Variants in NAV3 observed in about 807,000 individuals in gnomAD.
The protein encoded by NAV3 is pore membrane and/or filament interacting like protein 1.
A neutral mutation model predicts 244.7 loss-of-function variants in NAV3; 87 were observed. The ratio of observed to expected loss-of-function variants is 0.36; its 90% CI spans 0.30 to 0.42. The LOEUF is 0.42. Ranked by LOEUF, NAV3 falls within the 20% of genes least tolerant of loss-of-function variation. NAV3 has a pLI of 1.00. For synonymous variants in NAV3, 1,126 were observed against 1,042.2 expected (o/e 1.08, Z -1.55); for missense variants, 2,663 against 2,893.3 (o/e 0.92, Z 1.83).
At chr12:77,782,920 T>A (rs151289186) in intron 2 of NAV3, among the ~76,000 whole-genome samples, 12 of 152,282 alleles carry the variant, frequency 7.9e-5, no homozygotes, top group Non-Finnish European at 4.4e-5. Flanking sequence ...GAACATATGC[T>A]GATGCAATGT....
At chr12:78,104,251 A>C (rs1255717044) in intron 12 of NAV3, among the ~76,000 whole-genome samples, 1 of 152,240 alleles carries the variant, frequency 6.6e-6, no homozygotes, top group Non-Finnish European at 1.5e-5. Flanking sequence ...CAGTAACATG[A>C]AATATCAAAG....
At chr12:78,002,749 C>T (rs936701848) in intron 7 of NAV3, among the ~76,000 whole-genome samples, 1 of 151,818 alleles carries the variant, frequency 6.6e-6, no homozygotes, top group Non-Finnish European at 1.5e-5. Context: ...GCCTAAAATA[C>T]GTTGTTAATG....
chr12:77,612,136 A>G (rs1870944087), intron 2 of NAV3, among the ~76,000 whole-genome samples: 3 of 152,214 alleles, frequency 2.0e-5, no homozygotes, highest in Admixed American at 6.6e-5. Flanking sequence ...GAAAGTGTGA[A>G]CAGACTTTTT....
At chr12:77,974,370 C>T (rs559741402) in intron 5 of NAV3, among the ~76,000 whole-genome samples, 1 of 152,062 alleles carries the variant, frequency 6.6e-6, no homozygotes, top group African/African-American at 2.4e-5. Flanking sequence ...CAAACTCTGC[C>T]TCCCGAGTTC....
upstream of NAV3, among the ~76,000 whole-genome samples, chr12:77,829,976 C>T (rs924289039): frequency 6.6e-6 from 1 of 152,144 alleles, no homozygotes; most frequent in East Asian, 1.9e-4. Flanking sequence ...CCTTTGGTTG[C>T]ATTATTACTA....
chr12:77,683,858 G>GT (rs1565770556), intron 2 of NAV3, among the ~76,000 whole-genome samples: 1 of 151,722 alleles, frequency 6.6e-6, no homozygotes, highest in South Asian at 2.1e-4. Flanking sequence ...GGACATTTGA[G>GT]TTTTTTTCAG....
chr12:78,102,015 G>A (rs1483502684), intron 12 of NAV3, among the ~76,000 whole-genome samples: 1 of 152,128 alleles, frequency 6.6e-6, no homozygotes, highest in African/African-American at 2.4e-5. Context: ...TCTTTTAAAA[G>A]TGGTGCCTTG....
At chr12:78,175,551 C>T (rs1467752907) in intron 25 of NAV3, 124 bp downstream of exon 25, 1 of 1,226,554 alleles carries the variant, frequency 8.2e-7, no homozygotes, top group African/African-American at 1.5e-5. Context: ...ACTGAGACCT[C>T]AAATGCTGCA....
At chr12:77,803,284 C>T (rs1375407233) in intron 2 of NAV3, among the ~76,000 whole-genome samples, 1 of 152,048 alleles carries the variant, frequency 6.6e-6, no homozygotes, top group Admixed American at 6.5e-5. Context: ...CCTAGCCCCC[C>T]ATCCCCCAAC....
At chr12:78,155,516 A>T (rs1957268031) in intron 22 of NAV3, among the ~76,000 whole-genome samples, 1 of 152,218 alleles carries the variant, frequency 6.6e-6, no homozygotes, top group Admixed American at 6.6e-5. Flanking sequence ...AATTATTTAT[A>T]TTCCTTTGGG....
At chr12:77,663,396 C>T (rs1873558040) in intron 2 of NAV3, among the ~76,000 whole-genome samples, 5 of 151,632 alleles carry the variant, frequency 3.3e-5, no homozygotes, top group Admixed American at 2.0e-4. Context: ...AAACTAAGGA[C>T]ACAAAGAAAA....
intron 9 of NAV3, chr12:78,037,195 T>C: frequency 1.4e-6 from 1 of 702,912 alleles, no homozygotes; most frequent in Non-Finnish European, 2.6e-6. Context: ...AGAAGAGGCT[T>C]GGAAGGTGAG....
intron 2 of NAV3, among the ~76,000 whole-genome samples, chr12:77,593,932 C>T (rs949357310): frequency 4.6e-5 from 7 of 152,124 alleles, no homozygotes; most frequent in African/African-American, 1.2e-4. Flanking sequence ...ATCCTAAACA[C>T]GTGAAATTTA....
chr12:77,961,977 T>C (rs1303468020), intron 3 of NAV3, among the ~76,000 whole-genome samples: 1 of 152,156 alleles, frequency 6.6e-6, no homozygotes, highest in African/African-American at 2.4e-5. Flanking sequence ...TGAATTTATT[T>C]ATTTAATTCT....
At chr12:78,173,507 A>C (rs924566257) in intron 24 of NAV3, among the ~76,000 whole-genome samples, 2 of 151,624 alleles carry the variant, frequency 1.3e-5, no homozygotes, top group African/African-American at 2.4e-5. Flanking sequence ...ATGGCCAATC[A>C]CAGCAAAAAT....
At chr12:77,834,073 C>T (rs980409251) in intron 1 of NAV3, among the ~76,000 whole-genome samples, 2 of 152,142 alleles carry the variant, frequency 1.3e-5, no homozygotes, top group African/African-American at 4.8e-5. Flanking sequence ...CTGCTAAGGT[C>T]TCGGGGTTTT....
chr12:77,859,093 C>T (rs1294763266), intron 1 of NAV3, among the ~76,000 whole-genome samples: 1 of 151,994 alleles, frequency 6.6e-6, no homozygotes, highest in Non-Finnish European at 1.5e-5. Context: ...ATGTCATTCA[C>T]AATAAAATAA....
chr12:78,036,869 G>A, intron 9 of NAV3: 1 of 690,236 alleles, frequency 1.4e-6, no homozygotes, highest in Non-Finnish European at 2.7e-6. Flanking sequence ...GAATCATGCA[G>A]CGGCCTGCTG....
chr12:77,970,642 C>G (rs1284247813), intron 5 of NAV3, among the ~76,000 whole-genome samples: 1 of 151,960 alleles, frequency 6.6e-6, no homozygotes, highest in Non-Finnish European at 1.5e-5. Context: ...TTAAGCTCAT[C>G]TTGGCTTTTG....
Sources: gnomAD v4.1 joint callset for allele counts (sites outside exome capture counted in the v4.1 genomes callset) on GRCh38, gnomAD v4.1.1 for gene constraint, MANE v1.5 for transcripts, NCBI Gene and HGNC (gene_info 2026-07-23, HGNC 2026-07-21) for gene names.